Variants in PAIP1 observed in about 807,000 individuals in gnomAD.
PAIP1 encodes the protein poly(A) binding protein interacting protein 1.
In PAIP1, 16 loss-of-function variants were observed where a neutral mutation model predicts 61.3. The ratio of observed to expected loss-of-function variants is 0.26; its 90% CI spans 0.18 to 0.40. The LOEUF (loss-of-function observed/expected upper bound fraction) is 0.40, where lower values mean the gene tolerates loss of function less well. Among genes scored for constraint, PAIP1 ranks in the 10% least tolerant of loss-of-function variants. PAIP1 has a pLI of 1.00. For synonymous variants in PAIP1, 187 were observed against 226.2 expected, an observed-to-expected ratio of 0.83 and a Z score of 1.56; for missense variants, 416 against 600.9, an observed-to-expected ratio of 0.69 and a Z score of 3.22.
rs149462655 is a variant in PAIP1 at position 43,542,477 on chromosome 5, T to C, written c.734+527A>G. On this transcript the variant is annotated intron_variant, in intron 4 of 10. Coordinates refer to ENST00000306846, the MANE Select transcript of PAIP1 (RefSeq NM_006451.5). The stretch of plus-strand genomic sequence containing the variant: ...AACCTGTGGGAGGCAGAGGTTGCAG[T>C]GAGCCAAGAGCGTGCCGCTGCACTC... 8.9e-4 allele frequency among the ~76,000 whole-genome samples: 128 copies of C among 144,486 alleles called. 1 individual carries two copies. The highest frequency in any genetic ancestry group is 3.2e-3 in the African/African-American group (123 of 38,252). 94.8% of individuals were successfully genotyped at this position (144,486 alleles called of 152,430 possible).
chr5:43,554,780 C>A (rs1747998352), intron 2 of PAIP1, among the ~76,000 whole-genome samples: 1 of 152,148 alleles, frequency 6.6e-6, no homozygotes, highest in Non-Finnish European at 1.5e-5. Flanking sequence ...TTGGCAGTCT[C>A]TGCTAAAGCT....
At chr5:43,549,581 G>T (rs892933537) in intron 2 of PAIP1, among the ~76,000 whole-genome samples, 2 of 152,092 alleles carry the variant, frequency 1.3e-5, no homozygotes, top group African/African-American at 4.8e-5. Context: ...TTGTGGAACT[G>T]TAAGTCCAAT....
At position 43,555,778 on chromosome 5, in the gene PAIP1, C is replaced by A. The variant is rs144745722; in HGVS notation, c.435+52G>T. The A allele has an allele frequency of 7.1e-5, 103 of 1,441,092 alleles. No homozygotes were observed. The African/African-American group carries it at 1.4e-3, about 20-fold the overall frequency. 89.3% of individuals were successfully genotyped at this position (1,441,092 alleles called of 1,614,324 possible). Reference sequence around the variant, plus strand: ...ATACTCTGATTAACAAAGTAACAACCACATTATTCCAGTAAATTAACCCAG... The same window carrying A: ...ATACTCTGATTAACAAAGTAACAACAACATTATTCCAGTAAATTAACCCAG... On this transcript the variant is annotated intron_variant, in intron 2 of 10. Transcript: ENST00000306846.
intron 2 of PAIP1, among the ~76,000 whole-genome samples, chr5:43,554,944 G>A (rs1327191448): frequency 6.6e-6 from 1 of 152,186 alleles, no homozygotes; most frequent in African/African-American, 2.4e-5. Flanking sequence ...ATATATTCAT[G>A]CAATGGAATG....
At chr5:43,545,178 G>A (rs1008998667) in intron 3 of PAIP1, among the ~76,000 whole-genome samples, 1 of 152,072 alleles carries the variant, frequency 6.6e-6, no homozygotes, top group Non-Finnish European at 1.5e-5. Flanking sequence ...TTCTTCTTAT[G>A]TCTTACAGCA....
intron 2 of PAIP1, among the ~76,000 whole-genome samples, chr5:43,552,718 A>G (rs971637751): frequency 1.3e-5 from 2 of 152,222 alleles, no homozygotes; most frequent in Non-Finnish European, 2.9e-5. Flanking sequence ...AAAAAGAACA[A>G]AACTAGTACC....
chr5:43,534,709 C>T (rs1747075503), intron 8 of PAIP1, 144 bp downstream of exon 8: 4 of 601,492 alleles, frequency 6.7e-6, no homozygotes, highest in South Asian at 6.2e-5. Context: ...CTTTTTTACC[C>T]AGTCTGATGG....
chr5:43,541,570 CTT>C (rs1747411975), intron 4 of PAIP1, among the ~76,000 whole-genome samples: 2 of 150,252 alleles, frequency 1.3e-5, no homozygotes, highest in African/African-American at 2.5e-5. Flanking sequence ...ACAATTTATC[CTT>C]TTTATCAAAA....
At chr5:43,531,618 C>T (rs1269542027) in intron 9 of PAIP1, among the ~76,000 whole-genome samples, 2 of 126,350 alleles carry the variant, frequency 1.6e-5, no homozygotes. Context: ...GGTTGCATCA[C>T]CGCACCCCAG....
intron 6 of PAIP1, among the ~76,000 whole-genome samples, chr5:43,536,074 G>A (rs1474689978): frequency 2.0e-5 from 3 of 150,320 alleles, no homozygotes; most frequent in Admixed American, 1.3e-4. Context: ...ATAAACAAAT[G>A]GCTAATAAAC....
intron 2 of PAIP1, among the ~76,000 whole-genome samples, chr5:43,554,588 G>T (rs1001805044): frequency 6.6e-6 from 1 of 152,014 alleles, no homozygotes; most frequent in African/African-American, 2.4e-5. Flanking sequence ...GAGCCAAAAA[G>T]AGGTAATAAA....
intron 4 of PAIP1, among the ~76,000 whole-genome samples, chr5:43,539,288 A>C (rs1341697217): frequency 1.3e-5 from 2 of 151,960 alleles, no homozygotes; most frequent in African/African-American, 4.8e-5. Context: ...TAATATGTTT[A>C]AGCAACATAG....
intron 3 of PAIP1, among the ~76,000 whole-genome samples, chr5:43,543,739 T>C (rs908665066): frequency 6.7e-6 from 1 of 150,026 alleles, no homozygotes; most frequent in African/African-American, 2.4e-5. Flanking sequence ...CATCAAAGAT[T>C]GTTGATATAA....
At chr5:43,529,655 G>T (rs1746858917) in intron 10 of PAIP1, 131 bp downstream of exon 10, 2 of 675,222 alleles carry the variant, frequency 3.0e-6, no homozygotes, top group Admixed American at 2.2e-5. Flanking sequence ...GCCTCCCAAA[G>T]TGTTGGGATT....
At chr5:43,549,617 G>A (rs1452527586) in intron 2 of PAIP1, among the ~76,000 whole-genome samples, 4 of 152,112 alleles carry the variant, frequency 2.6e-5, no homozygotes, top group African/African-American at 9.7e-5. Flanking sequence ...TCCCAGTCTC[G>A]GGTATGTCTT....
At chr5:43,548,465 T>C (rs1358782766) in intron 2 of PAIP1, among the ~76,000 whole-genome samples, 1 of 152,040 alleles carries the variant, frequency 6.6e-6, no homozygotes. Flanking sequence ...AAGAAATGCA[T>C]AAAGCTGCTC....
chr5:43,551,467 T>C (rs573286342), intron 2 of PAIP1, among the ~76,000 whole-genome samples: 9 of 152,340 alleles, frequency 5.9e-5, no homozygotes, highest in East Asian at 1.9e-4. Context: ...ATTATAAATA[T>C]TGACATTATA....
At chr5:43,545,466 G>C (rs944354189) in intron 3 of PAIP1, among the ~76,000 whole-genome samples, 1 of 152,212 alleles carries the variant, frequency 6.6e-6, no homozygotes, top group Non-Finnish European at 1.5e-5. Flanking sequence ...AGTGTAAAAA[G>C]ATCTGGATGG....
intron 3 of PAIP1, among the ~76,000 whole-genome samples, chr5:43,544,715 C>G (rs1404555876): frequency 1.3e-5 from 2 of 152,212 alleles, no homozygotes; most frequent in African/African-American, 4.8e-5. Context: ...CACCTGACCT[C>G]ATGTGACAGG....
Sources: allele counts gnomAD v4.1 joint callset (sites outside exome capture counted in the v4.1 genomes callset), GRCh38; gene constraint gnomAD v4.1.1; transcripts MANE v1.5; gene names NCBI Gene and HGNC (gene_info 2026-07-23, HGNC 2026-07-21).